The following DYNLL1 variants were observed in gnomAD, a reference collection of about 807,000 sequenced individuals.
The protein encoded by DYNLL1 is dynein light chain 1, cytoplasmic.
DYNLL1 carries 3 observed loss-of-function variants against 10.1 expected under a neutral mutation model. The observed-to-expected ratio is 0.30, with a 90% CI of 0.14 to 0.77. DYNLL1 has a LOEUF of 0.77. DYNLL1 is among the 30% of genes least tolerant of loss of function. The pLI is 0.66. For missense variants in DYNLL1, 47 were observed against 111.7 expected (o/e 0.42, Z 2.61); for synonymous variants, 46 against 41.2 (o/e 1.12, Z -0.45).
chr12:120,490,841 A>T (rs984511271), intron 1 of DYNLL1: 4 of 152,270 alleles, frequency 2.6e-5, no homozygotes, highest in African/African-American at 9.7e-5. Context: ...GCCAAGGTTG[A>T]GAAGTCCTGG....
At chr12:120,470,689 G>C (rs1878628992) in intron 1 of DYNLL1, among the ~76,000 whole-genome samples, 1 of 152,048 alleles carries the variant, frequency 6.6e-6, no homozygotes, top group Non-Finnish European at 1.5e-5. Context: ...CTCCAGCCTT[G>C]GCCTCCCAAA....
intron 1 of DYNLL1, among the ~76,000 whole-genome samples, chr12:120,474,440 C>T (rs1042326976): frequency 1.2e-5 from 1 of 80,390 alleles, no homozygotes; most frequent in Admixed American, 1.1e-4. Context: ...AAAAAAACAA[C>T]ATAAAAAAAA....
rs191805918 is a variant in DYNLL1, at chr12:120,471,051, A to T, written c.-7+947A>T. On this transcript the variant is annotated intron_variant, in intron 1 of 2. Transcript: ENST00000392509. ...CAGAGTGAGACTGTCTCAAAAATAA[A>T]TAAAGATTTTTCATATTAAAAATGA... Among the ~76,000 whole-genome samples the T allele has an allele frequency of 3.9e-4, 58 of 150,536 alleles. 1 individual carries two copies. Among genetic ancestry groups the T allele is most frequent in the Admixed American group, 2.4e-3 (37 of 15,166 alleles).
At chr12:120,487,211 G>A (rs976439070) in intron 1 of DYNLL1, among the ~76,000 whole-genome samples, 2 of 138,338 alleles carry the variant, frequency 1.4e-5, no homozygotes, top group Admixed American at 7.6e-5. Context: ...CTGACCTCGT[G>A]ATCCACCCGC....
At chr12:120,496,697 C>G in intron 2 of DYNLL1, 144 bp downstream of exon 2, 2 of 1,326,026 alleles carry the variant, frequency 1.5e-6, no homozygotes, top group East Asian at 2.4e-5. Context: ...GACGCAGATG[C>G]ATTTTGCGCT....
chr12:120,497,602 A>G (rs1165851604), intron 2 of DYNLL1: 1 of 153,262 alleles, frequency 6.5e-6, no homozygotes, highest in Non-Finnish European at 1.5e-5. Flanking sequence ...GTTTTGTCCT[A>G]TTGGAAAAGT....
intron 1 of DYNLL1, among the ~76,000 whole-genome samples, chr12:120,476,689 G>A (rs1878760130): frequency 6.6e-6 from 1 of 152,132 alleles, no homozygotes; most frequent in Admixed American, 6.5e-5. Flanking sequence ...TCGGCTCACT[G>A]CAACCTCCGC....
At chr12:120,484,809 G>A (rs1213442876) in intron 1 of DYNLL1, among the ~76,000 whole-genome samples, 1 of 151,744 alleles carries the variant, frequency 6.6e-6, no homozygotes, top group East Asian at 1.9e-4. Flanking sequence ...CGCAATCTCG[G>A]ATCACTGCAA....
intron 1 of DYNLL1, among the ~76,000 whole-genome samples, chr12:120,475,061 G>C (rs1347890171): frequency 6.6e-6 from 1 of 152,204 alleles, no homozygotes; most frequent in Non-Finnish European, 1.5e-5. Context: ...CAAGTGTCAA[G>C]TGTGGGAGGA....
At chr12:120,497,226 G>A in intron 2 of DYNLL1, 1 of 153,882 alleles carries the variant, frequency 6.5e-6, no homozygotes, top group South Asian at 2.0e-4. Context: ...TTCGCACTGC[G>A]TGCAGTTAGA....
chr12:120,485,607 A>C (rs1004805322), intron 1 of DYNLL1, among the ~76,000 whole-genome samples: 8 of 151,980 alleles, frequency 5.3e-5, no homozygotes, highest in Admixed American at 3.9e-4. Context: ...TTGGAGGCCA[A>C]GGTGGGAGGA....
upstream of DYNLL1, among the ~76,000 whole-genome samples, chr12:120,494,338 G>A (rs897568549): frequency 3.4e-5 from 5 of 149,004 alleles, no homozygotes; most frequent in Admixed American, 1.3e-4. Flanking sequence ...GTGCAATGGC[G>A]CGATCTCGGC....
At chr12:120,490,147 T>C (rs570285914) in intron 1 of DYNLL1, among the ~76,000 whole-genome samples, 1 of 152,354 alleles carries the variant, frequency 6.6e-6, no homozygotes, top group East Asian at 1.9e-4. Flanking sequence ...AAAGGAAACT[T>C]TGCCTATTTT....
intron 1 of DYNLL1, among the ~76,000 whole-genome samples, chr12:120,477,164 A>G (rs192906739): frequency 1.3e-5 from 2 of 152,104 alleles, no homozygotes; most frequent in African/African-American, 4.8e-5. Flanking sequence ...CCTGACCTCA[A>G]GTGATCCACC....
chr12:120,476,440 C>G (rs183164590), intron 1 of DYNLL1, among the ~76,000 whole-genome samples: 80 of 152,270 alleles, frequency 5.3e-4, no homozygotes, highest in African/African-American at 1.9e-3. Context: ...GGCTCTCCCC[C>G]TCAGCCAGCA....
At position 120,473,216 on chromosome 12, in the gene DYNLL1, T is replaced by G. The variant is rs541278108; in HGVS notation, c.-7+3112T>G. ...TTCTGGGAGGAGATGTTTAGAGTCT[T>G]GAAGAACCAGTAGGAGTTAACCAGG... On this transcript the variant is annotated intron_variant, in intron 1 of 2. Transcript: ENST00000392509. Among the ~76,000 whole-genome samples the G allele has an allele frequency of 8.9e-4, 135 of 152,122 alleles. 2 individuals carry two copies. The South Asian group carries it at 0.027, about 30-fold the overall frequency.
chr12:120,475,832 C>T (rs1452319552), intron 1 of DYNLL1, among the ~76,000 whole-genome samples: 1 of 152,170 alleles, frequency 6.6e-6, no homozygotes, highest in African/African-American at 2.4e-5. Flanking sequence ...CTTTACAGCC[C>T]TATGGTACTG....
intron 1 of DYNLL1, among the ~76,000 whole-genome samples, chr12:120,473,988 C>T (rs906896030): frequency 6.6e-6 from 1 of 151,272 alleles, no homozygotes; most frequent in Non-Finnish European, 1.5e-5. Context: ...AAAAAGGACA[C>T]CATGAGAAAT....
chr12:120,476,627 T>C (rs1878758533), intron 1 of DYNLL1, among the ~76,000 whole-genome samples: 1 of 152,216 alleles, frequency 6.6e-6, no homozygotes, highest in East Asian at 1.9e-4. Flanking sequence ...TGTTTGTTTT[T>C]TGAGACAGAG....
Sources: gnomAD v4.1 joint callset for allele counts (sites outside exome capture counted in the v4.1 genomes callset) on GRCh38, gnomAD v4.1.1 for gene constraint, MANE v1.5 for transcripts, NCBI Gene and HGNC (gene_info 2026-07-23, HGNC 2026-07-21) for gene names.